Variants in GABRB2 observed in about 807,000 individuals in gnomAD.
GABRB2 encodes gamma-aminobutyric acid receptor subunit beta-2.
Under a neutral mutation model 54.7 loss-of-function variants are expected in GABRB2, and 16 were observed. The ratio of observed to expected loss-of-function variants is 0.29; its 90% CI spans 0.20 to 0.44. The LOEUF is 0.44. Among genes scored for constraint, GABRB2 ranks in the 20% least tolerant of loss-of-function variants. GABRB2 has a pLI of 1.00. For synonymous variants in GABRB2, 244 were observed against 233.8 expected (o/e 1.04, Z -0.40); for missense variants, 355 against 644.0 (o/e 0.55, Z 4.86).
intron 9 of GABRB2, among the ~76,000 whole-genome samples, chr5:161,298,645 G>A (rs1272387908): frequency 6.6e-6 from 1 of 152,212 alleles, no homozygotes; most frequent in African/African-American, 2.4e-5. Flanking sequence ...CTGCTCTAAG[G>A]CTTCTGCCTT....
chr5:161,450,874 C>G (rs923067209), intron 4 of GABRB2, among the ~76,000 whole-genome samples: 7 of 151,930 alleles, frequency 4.6e-5, no homozygotes, highest in Non-Finnish European at 1.5e-5. Flanking sequence ...TTTTCACATA[C>G]AGGTGGAGAC....
intron 7 of GABRB2, 94 bp from the exon 8 acceptor site, chr5:161,331,221 T>C: frequency 7.2e-7 from 1 of 1,380,506 alleles, no homozygotes; most frequent in Non-Finnish European, 9.8e-7. Context: ...ATTTTCTCAT[T>C]CATATATGCC....
chr5:161,301,422 C>CT (rs908503242), intron 9 of GABRB2, among the ~76,000 whole-genome samples: 115 of 146,522 alleles, frequency 7.8e-4, no homozygotes, highest in East Asian at 3.6e-3. Context: ...TTCTTTCTTT[C>CT]TTTTTTTTTT....
chr5:161,372,702 C>G (rs1159639838), intron 5 of GABRB2, among the ~76,000 whole-genome samples: 2 of 152,148 alleles, frequency 1.3e-5, no homozygotes, highest in Non-Finnish European at 2.9e-5. Flanking sequence ...AGACACTGTT[C>G]TAGGCATGCT....
At chr5:161,334,694 C>G (rs927619779) in intron 7 of GABRB2, 58 bp downstream of exon 7, 1 of 1,571,306 alleles carries the variant, frequency 6.4e-7, no homozygotes, top group Non-Finnish European at 8.7e-7. Context: ...CGCGTGCATG[C>G]GAACACAGAA....
chr5:161,337,454 A>T (rs1403993740), intron 5 of GABRB2, among the ~76,000 whole-genome samples: 2 of 152,132 alleles, frequency 1.3e-5, no homozygotes, highest in Non-Finnish European at 2.9e-5. Context: ...AGTAGATATA[A>T]ATGCATAGTG....
In GABRB2 at chr5:161,508,558, T is replaced by C. The variant is rs183398310; in HGVS notation, c.237+36669A>G. ...CGATGATGTTCCTCCTCTCAAGTTGTTGCCACTTTAACAAGTAGATAGACA... is the reference window on the plus strand; with the variant it reads ...CGATGATGTTCCTCCTCTCAAGTTGCTGCCACTTTAACAAGTAGATAGACA... On this transcript the variant is annotated intron_variant, in intron 3 of 9. Coordinates refer to ENST00000393959, the MANE Select transcript of GABRB2 (RefSeq NM_001371727.1). Among the ~76,000 whole-genome samples, 109 of 152,022 alleles carry C rather than the reference T, an allele frequency of 7.2e-4. 1 individual carries two copies. Among genetic ancestry groups the C allele is most frequent in the Non-Finnish European group, 8.8e-5 (6 of 67,886 alleles).
intron 4 of GABRB2, among the ~76,000 whole-genome samples, chr5:161,419,351 CTG>C (rs1756781459): frequency 6.6e-6 from 1 of 152,176 alleles, no homozygotes; most frequent in African/African-American, 2.4e-5. Flanking sequence ...CACTTATACA[CTG>C]TTGGTGGGAA....
intron 3 of GABRB2, among the ~76,000 whole-genome samples, chr5:161,497,157 G>A (rs72813589): frequency 0.2 from 31,126 of 152,036 alleles, 3,634 homozygotes; most frequent in Non-Finnish European, 0.27. Context: ...CTTGCATTAT[G>A]CTTTAGATCA....
At chr5:161,374,865 A>G (rs1755242491) in intron 5 of GABRB2, among the ~76,000 whole-genome samples, 1 of 152,140 alleles carries the variant, frequency 6.6e-6, no homozygotes. Flanking sequence ...CTTAAGCCCA[A>G]TAATTTTTTT....
At chr5:161,298,119 G>C (rs1757436094) in intron 9 of GABRB2, among the ~76,000 whole-genome samples, 1 of 152,082 alleles carries the variant, frequency 6.6e-6, no homozygotes, top group Admixed American at 6.6e-5. Flanking sequence ...TCCACATTTT[G>C]ATGGGGTTGT....
chr5:161,480,390 AT>A (rs1413965639), intron 3 of GABRB2, among the ~76,000 whole-genome samples: 11 of 152,180 alleles, frequency 7.2e-5, no homozygotes, highest in Admixed American at 4.6e-4. Context: ...TTAATGAGAT[AT>A]TTATCTATTA....
intron 6 of GABRB2, among the ~76,000 whole-genome samples, chr5:161,335,287 C>T (rs993920452): frequency 6.6e-6 from 1 of 152,058 alleles, no homozygotes; most frequent in Non-Finnish European, 1.5e-5. Flanking sequence ...ATGTTCTGGT[C>T]ATAGTAAAAG....
At chr5:161,384,537 C>T (rs1045236399) in intron 5 of GABRB2, among the ~76,000 whole-genome samples, 1 of 152,150 alleles carries the variant, frequency 6.6e-6, no homozygotes, top group Admixed American at 6.6e-5. Context: ...TCATCCGACA[C>T]CTGCTTACTA....
chr5:161,529,091 G>A (rs1368049312), intron 3 of GABRB2, among the ~76,000 whole-genome samples: 1 of 151,608 alleles, frequency 6.6e-6, no homozygotes, highest in Non-Finnish European at 1.5e-5. Flanking sequence ...GATTTTTGGG[G>A]CAAGAATTGC....
intron 3 of GABRB2, among the ~76,000 whole-genome samples, chr5:161,507,005 G>A (rs1006987849): frequency 1.6e-4 from 24 of 152,088 alleles, no homozygotes; most frequent in Admixed American, 5.9e-4. Context: ...TGACTAGGAC[G>A]TAGAAATTAG....
At chr5:161,453,709 C>T (rs1561655694) in intron 4 of GABRB2, among the ~76,000 whole-genome samples, 1 of 152,060 alleles carries the variant, frequency 6.6e-6, no homozygotes, top group African/African-American at 2.4e-5. Flanking sequence ...ATTCTTTGGT[C>T]ACAAACTGCA....
chr5:161,302,471 C>T (rs1757566940), intron 9 of GABRB2, among the ~76,000 whole-genome samples: 1 of 152,108 alleles, frequency 6.6e-6, no homozygotes, highest in Admixed American at 6.5e-5. Context: ...TAGTCATATA[C>T]AGAAAAACAA....
chr5:161,464,284 G>A (rs903672453), intron 3 of GABRB2, among the ~76,000 whole-genome samples: 1 of 151,942 alleles, frequency 6.6e-6, no homozygotes. Flanking sequence ...AGCAAAAGAT[G>A]TGAACAGACA....
Sources: allele counts gnomAD v4.1 joint callset (sites outside exome capture counted in the v4.1 genomes callset), GRCh38; gene constraint gnomAD v4.1.1; transcripts MANE v1.5; gene names NCBI Gene and HGNC (gene_info 2026-07-23, HGNC 2026-07-21).